The following MAGI2 variants were observed in gnomAD, a reference collection of about 807,000 sequenced individuals.
MAGI2 encodes the protein membrane associated guanylate kinase, WW and PDZ domain containing 2, also known as membrane-associated guanylate kinase, WW and PDZ domain-containing protein 2.
MAGI2 carries 35 observed loss-of-function variants against 133.3 expected under a neutral mutation model. The ratio of observed to expected loss-of-function variants is 0.26; its 90% CI spans 0.20 to 0.35. MAGI2 has a LOEUF of 0.35. Ranked by LOEUF, MAGI2 falls within the 10% of genes least tolerant of loss-of-function variation. MAGI2 has a pLI of 1.00. For missense variants in MAGI2, 1,636 were observed against 1,863.4 expected (o/e 0.88, Z 2.25); for synonymous variants, 729 against 710.6 (o/e 1.03, Z -0.41).
intron 2 of MAGI2, among the ~76,000 whole-genome samples, chr7:78,762,173 G>C (rs1040092439): frequency 1.4e-4 from 6 of 44,430 alleles, no homozygotes; most frequent in African/African-American, 4.6e-4. Context: ...GCCGGGCATG[G>C]TGGCTGGCAC....
chr7:79,279,206 C>G (rs1318877764), intron 1 of MAGI2, among the ~76,000 whole-genome samples: 4 of 152,098 alleles, frequency 2.6e-5, no homozygotes, highest in African/African-American at 9.7e-5. Flanking sequence ...AAAAACGTCC[C>G]TCACTTATTT....
intron 10 of MAGI2, among the ~76,000 whole-genome samples, chr7:78,209,918 C>T (rs1173680503): frequency 1.3e-5 from 2 of 152,080 alleles, no homozygotes; most frequent in African/African-American, 4.8e-5. Context: ...GCCTTTGCAC[C>T]AACTCCTTTA....
chr7:78,575,029 G>A (rs1584703530), intron 3 of MAGI2, among the ~76,000 whole-genome samples: 2 of 152,030 alleles, frequency 1.3e-5, no homozygotes, highest in East Asian at 1.9e-4. Context: ...GTCTACACCC[G>A]CAGTTTCTAA....
At chr7:78,121,559 A>G (rs1820481888) in intron 20 of MAGI2, among the ~76,000 whole-genome samples, 1 of 152,244 alleles carries the variant, frequency 6.6e-6, no homozygotes, top group Non-Finnish European at 1.5e-5. Context: ...TTTTCTACCT[A>G]CCAGAATGAG....
chr7:78,134,257 G>A (rs1294209155), intron 17 of MAGI2: 1 of 152,216 alleles, frequency 6.6e-6, no homozygotes, highest in African/African-American at 2.4e-5. Flanking sequence ...TGGAATTGGG[G>A]GCTGAATAAA....
chr7:79,362,941 T>C (rs1842454527), intron 1 of MAGI2, among the ~76,000 whole-genome samples: 1 of 151,758 alleles, frequency 6.6e-6, no homozygotes. Context: ...TACTGGCAAT[T>C]CTAGCTGTGG....
At chr7:78,563,081 A>G (rs1305736051) in intron 3 of MAGI2, among the ~76,000 whole-genome samples, 1 of 151,868 alleles carries the variant, frequency 6.6e-6, no homozygotes, top group Admixed American at 6.6e-5. Flanking sequence ...TAATGGTAAT[A>G]AGAGCCTGGT....
chr7:79,069,935 C>A (rs2117145916), intron 1 of MAGI2, among the ~76,000 whole-genome samples: 1 of 152,244 alleles, frequency 6.6e-6, no homozygotes, highest in Non-Finnish European at 1.5e-5. Context: ...TATTGGCCCC[C>A]ACTCTCTTCT....
chr7:78,477,943 C>T (rs1436777304), intron 6 of MAGI2, among the ~76,000 whole-genome samples: 4 of 151,186 alleles, frequency 2.6e-5, no homozygotes, highest in Non-Finnish European at 4.4e-5. Context: ...TTTTATTATA[C>T]TTTAAGTTCT....
At chr7:79,083,741 G>A (rs1447608483) in intron 1 of MAGI2, among the ~76,000 whole-genome samples, 1 of 151,616 alleles carries the variant, frequency 6.6e-6, no homozygotes, top group Non-Finnish European at 1.5e-5. Flanking sequence ...GTGAATGACT[G>A]GTGTTAATTC....
chr7:78,030,350 T>C (rs2003502), intron 21 of MAGI2, among the ~76,000 whole-genome samples: 1 of 152,082 alleles, frequency 6.6e-6, no homozygotes, highest in Non-Finnish European at 1.5e-5. Flanking sequence ...TGTAACCTCC[T>C]GGTTCAAGCG....
chr7:79,002,863 G>A (rs1584638261), intron 2 of MAGI2, among the ~76,000 whole-genome samples: 1 of 62,500 alleles, frequency 1.6e-5, no homozygotes, highest in East Asian at 4.9e-4. Flanking sequence ...ATTGAAAAGT[G>A]TGTGTGTGTG....
chr7:78,770,737 C>T (rs963186456), intron 2 of MAGI2: 1 of 152,212 alleles, frequency 6.6e-6, no homozygotes, highest in African/African-American at 2.4e-5. Flanking sequence ...GAATATGGCA[C>T]TGCTTTCCCC....
chr7:78,378,754 T>C (rs547052724), intron 6 of MAGI2, among the ~76,000 whole-genome samples: 55 of 152,092 alleles, frequency 3.6e-4, no homozygotes, highest in Admixed American at 1.2e-3. Context: ...CAAGAGATAT[T>C]TTGAGGACAG....
chr7:78,908,484 T>A (rs1188009503), intron 2 of MAGI2, among the ~76,000 whole-genome samples: 1 of 152,190 alleles, frequency 6.6e-6, no homozygotes, highest in South Asian at 2.1e-4. Flanking sequence ...AGGATCCTGA[T>A]TGTGACCTAA....
chr7:78,770,480 G>A (rs974136755), intron 2 of MAGI2, among the ~76,000 whole-genome samples: 13 of 152,194 alleles, frequency 8.5e-5, no homozygotes, highest in Non-Finnish European at 1.8e-4. Context: ...GAAATGCCAA[G>A]TCAGCAGATA....
intron 1 of MAGI2, among the ~76,000 whole-genome samples, chr7:79,097,782 A>G (rs117491820): frequency 1.3e-5 from 2 of 152,320 alleles, no homozygotes; most frequent in East Asian, 3.9e-4. Context: ...TTTTATCTAC[A>G]TAAGCAGAAA....
At chr7:78,230,464 T>G (rs1157268717) in intron 10 of MAGI2, among the ~76,000 whole-genome samples, 2 of 152,216 alleles carry the variant, frequency 1.3e-5, no homozygotes, top group Non-Finnish European at 2.9e-5. Context: ...TTGCTAGTAC[T>G]TTTTAGTGAA....
At chr7:78,508,258 C>G (rs545767900) in intron 4 of MAGI2, among the ~76,000 whole-genome samples, 6 of 151,556 alleles carry the variant, frequency 4.0e-5, no homozygotes, top group Non-Finnish European at 5.9e-5. Flanking sequence ...GTTTGGACTT[C>G]ACCATATGAA....
Sources: gnomAD v4.1 joint callset for allele counts (sites outside exome capture counted in the v4.1 genomes callset) on GRCh38, gnomAD v4.1.1 for gene constraint, MANE v1.5 for transcripts, NCBI Gene and HGNC (gene_info 2026-07-23, HGNC 2026-07-21) for gene names.